DLGAP2: variants seen among roughly 807,000 people sequenced by gnomAD.
The protein encoded by DLGAP2 is disks large-associated protein 2.
DLGAP2 carries 26 observed loss-of-function variants against 100.3 expected under a neutral mutation model. The ratio of observed to expected loss-of-function variants is 0.26; its 90% CI spans 0.19 to 0.36. The LOEUF (loss-of-function observed/expected upper bound fraction) is 0.36. DLGAP2 is among the 10% of genes least tolerant of loss of function. DLGAP2 has a pLI of 1.00. For synonymous variants in DLGAP2, 886 were observed against 630.1 expected, an observed-to-expected ratio of 1.41 and a Z score of -6.08; for missense variants, 1,858 against 1,453.2, an observed-to-expected ratio of 1.28 and a Z score of -4.53.
At chr8:1,094,187 C>T (rs1804290410) in intron 2 of DLGAP2, among the ~76,000 whole-genome samples, 1 of 152,156 alleles carries the variant, frequency 6.6e-6, no homozygotes, top group Non-Finnish European at 1.5e-5. Context: ...CTGGGAGAGG[C>T]AGGGAACTGG....
At chr8:1,445,664 C>G (rs1797965832) in intron 3 of DLGAP2, among the ~76,000 whole-genome samples, 1 of 152,310 alleles carries the variant, frequency 6.6e-6, no homozygotes, top group Non-Finnish European at 1.5e-5. Context: ...GGAATTGCCA[C>G]ACTGACTTCC....
chr8:900,586 TCCC>T (rs1250064961), intron 1 of DLGAP2, among the ~76,000 whole-genome samples: 1 of 152,128 alleles, frequency 6.6e-6, no homozygotes, highest in Non-Finnish European at 1.5e-5. Context: ...CATCAGAATT[TCCC>T]CCGGTTCAGC....
intron 3 of DLGAP2, among the ~76,000 whole-genome samples, chr8:1,265,314 T>A (rs1046031451): frequency 8.5e-5 from 13 of 152,158 alleles, no homozygotes; most frequent in African/African-American, 2.7e-4. Flanking sequence ...TCATTTAAAT[T>A]GACCACTCTG....
intron 1 of DLGAP2, among the ~76,000 whole-genome samples, chr8:880,299 G>T (rs1332501261): frequency 6.6e-6 from 1 of 152,166 alleles, no homozygotes; most frequent in South Asian, 2.1e-4. Context: ...TGTGCATCCT[G>T]CCACCGAGGC....
At chr8:1,593,030 A>G (rs1356780736) in intron 6 of DLGAP2, among the ~76,000 whole-genome samples, 2 of 152,240 alleles carry the variant, frequency 1.3e-5, no homozygotes, top group Non-Finnish European at 2.9e-5. Context: ...TTGTGATTAT[A>G]CATTGCAATA....
At chr8:1,410,177 T>A (rs6558465) in intron 3 of DLGAP2, among the ~76,000 whole-genome samples, 7 of 152,262 alleles carry the variant, frequency 4.6e-5, no homozygotes, top group Admixed American at 4.6e-4. Flanking sequence ...CTGAGGAGAC[T>A]GCAAGCTTCG....
At chr8:1,214,056 C>T (rs1429549191) in intron 2 of DLGAP2, among the ~76,000 whole-genome samples, 5 of 149,040 alleles carry the variant, frequency 3.4e-5, no homozygotes, top group Admixed American at 6.6e-5. Context: ...CCTGTCCTCA[C>T]CTCCATGTGG....
intron 2 of DLGAP2, among the ~76,000 whole-genome samples, chr8:1,234,328 C>G (rs62486947): frequency 0.012 from 1,789 of 152,132 alleles, 38 homozygotes; most frequent in African/African-American, 0.041. Flanking sequence ...TTCTTCTGAG[C>G]CTGTGAGGGA....
At chr8:1,591,721 C>T (rs552549279) in intron 6 of DLGAP2, among the ~76,000 whole-genome samples, 26 of 152,298 alleles carry the variant, frequency 1.7e-4, no homozygotes, top group East Asian at 3.9e-4. Flanking sequence ...CACACACCCG[C>T]ATATCTCCTG....
At chr8:741,896 C>G (rs1820496677) in intron 1 of DLGAP2, among the ~76,000 whole-genome samples, 1 of 152,194 alleles carries the variant, frequency 6.6e-6, no homozygotes, top group Non-Finnish European at 1.5e-5. Flanking sequence ...GTAAGGCCTG[C>G]AGTTGTGGCA....
rs532239588 is a variant in DLGAP2 at position 1,032,213 on chromosome 8, A to C, written c.73+124247A>C. Among the ~76,000 whole-genome samples, 420 of 152,334 alleles carry C rather than the reference A, an allele frequency of 2.8e-3. 4 individuals carry two copies. The highest frequency in any genetic ancestry group is 3.4e-3 in the Middle Eastern group (1 of 294). ...CTGTTCGCCTTCCAGAGCTCATAGT[A>C]GGAGGGGCAGCAAAGGTGTGTTCCC... is the stretch of plus-strand genomic sequence containing the variant. On this transcript the variant is annotated intron_variant, in intron 2 of 14. Transcript: ENST00000637795.
intron 4 of DLGAP2, among the ~76,000 whole-genome samples, chr8:1,513,742 G>T (rs982199801): frequency 1.3e-5 from 2 of 152,174 alleles, no homozygotes; most frequent in Non-Finnish European, 2.9e-5. Flanking sequence ...AATTATAGAT[G>T]TGTAAGTTAC....
At chr8:942,188 A>G (rs1799213375) in intron 2 of DLGAP2, among the ~76,000 whole-genome samples, 2 of 152,116 alleles carry the variant, frequency 1.3e-5, no homozygotes, top group Non-Finnish European at 2.9e-5. Flanking sequence ...GGCTTAAGTG[A>G]TCCTCCTATT....
intron 2 of DLGAP2, among the ~76,000 whole-genome samples, chr8:1,175,253 A>C (rs947918591): frequency 6.6e-6 from 1 of 152,072 alleles, no homozygotes; most frequent in South Asian, 2.1e-4. Flanking sequence ...TTAAAAAAAA[A>C]ACCTAAGAAG....
chr8:896,342 C>T (rs1022733514), intron 1 of DLGAP2, among the ~76,000 whole-genome samples: 53 of 133,560 alleles, frequency 4.0e-4, no homozygotes, highest in African/African-American at 1.2e-3. Context: ...AGGACCTGGC[C>T]GGGGAGTGGA....
At position 1,699,137 on chromosome 8, in the gene DLGAP2, G is replaced by A. The variant is rs925159302; in HGVS notation, c.2949+1838G>A. On this transcript the variant is annotated intron_variant, in intron 14 of 14. Transcript: ENST00000637795. ...TAGCCCAGGTGCACACGATGGTTCC[G>A]TCTAGTCTCCATTCTTTGGTCATTG... Among the ~76,000 whole-genome samples the A allele has an allele frequency of 3.3e-5, 5 of 152,220 alleles. No homozygotes were observed. In the East Asian group the frequency reaches 5.8e-4, roughly 18 times the overall value.
Position 1,131,789 on chromosome 8 carries a change from A to G in DLGAP2, c.74-127062A>G, listed in dbSNP as rs868405565. 2.0e-5 allele frequency among the ~76,000 whole-genome samples: 3 copies of G among 152,344 alleles called. No homozygotes were observed. The South Asian group carries it at 6.2e-4, about 32-fold the overall frequency. ...TCTAGCTTGTGAAGGGGTTTTATCCAGAATATCTTTTGAATTCTATGCTTT... is the reference window on the plus strand; with the variant it reads ...TCTAGCTTGTGAAGGGGTTTTATCCGGAATATCTTTTGAATTCTATGCTTT... On this transcript the variant is annotated intron_variant, in intron 2 of 14. Transcript: ENST00000637795.
chr8:1,123,479 A>G (rs1479964356), intron 2 of DLGAP2, among the ~76,000 whole-genome samples: 16 of 152,312 alleles, frequency 1.1e-4, no homozygotes, highest in African/African-American at 3.6e-4. Context: ...GTATTTTCCA[A>G]GCACACATAT....
chr8:1,617,679 G>A (rs1043049641), intron 6 of DLGAP2, among the ~76,000 whole-genome samples: 5 of 152,092 alleles, frequency 3.3e-5, no homozygotes, highest in South Asian at 2.1e-4. Context: ...TTACTCTGTC[G>A]ATAGTTTCTT....
Sources: gnomAD v4.1 joint callset for allele counts (sites outside exome capture counted in the v4.1 genomes callset) on GRCh38, gnomAD v4.1.1 for gene constraint, MANE v1.5 for transcripts, NCBI Gene and HGNC (gene_info 2026-07-23, HGNC 2026-07-21) for gene names.